PLA2G4D: variants seen among roughly 807,000 people sequenced by gnomAD.
PLA2G4D encodes cytosolic phospholipase A2 delta.
In PLA2G4D, 80 loss-of-function variants were observed where a neutral mutation model predicts 94.4. The observed-to-expected ratio is 0.85, with a 90% confidence interval of 0.71 to 1.02. The LOEUF is 1.02. PLA2G4D is among the 50% of genes least tolerant of loss of function. The pLI, the probability that PLA2G4D is intolerant of heterozygous loss-of-function variation, is 0.00. For synonymous variants in PLA2G4D, 438 were observed against 440.9 expected (o/e 0.99, Z 0.08); for missense variants, 1,050 against 1,034.7 (o/e 1.01, Z -0.20).
chr15:42,081,899 TG>T, intron 9 of PLA2G4D, 65 bp from the exon 10 acceptor site: 1 of 1,440,066 alleles, frequency 6.9e-7, no homozygotes, highest in Non-Finnish European at 9.6e-7. Flanking sequence ...TGGGTATCCC[TG>T]GGGACTTGGT....
chr15:42,074,860 T>A (rs1368899992), intron 13 of PLA2G4D, among the ~76,000 whole-genome samples: 1 of 152,220 alleles, frequency 6.6e-6, no homozygotes, highest in East Asian at 1.9e-4. Context: ...AGGTAAGGTA[T>A]GATAATCAGA....
At chr15:42,080,918 C>A (rs72727758) in intron 12 of PLA2G4D, 79 bp downstream of exon 12, 2 of 1,518,558 alleles carry the variant, frequency 1.3e-6, no homozygotes, top group African/African-American at 1.4e-5. Flanking sequence ...CCTCCCCACA[C>A]AAAGTGTCCC....
At chr15:42,081,994 C>T (rs1041821977) in intron 9 of PLA2G4D, among the ~76,000 whole-genome samples, 160 bp from the exon 10 acceptor site, 45 of 139,898 alleles carry the variant, frequency 3.2e-4, no homozygotes, top group African/African-American at 1.0e-3. Flanking sequence ...TGCAATGGTG[C>T]GATCTTGGCT....
At chr15:42,071,414 C>A (rs781293346) in intron 16 of PLA2G4D, 30 bp downstream of exon 16, 1 of 1,593,498 alleles carries the variant, frequency 6.3e-7, no homozygotes, top group Non-Finnish European at 8.6e-7. Context: ...AGCGTCATCC[C>A]AGGCCCCTCA....
chr15:42,075,901 G>A (rs1302607883), intron 13 of PLA2G4D, among the ~76,000 whole-genome samples: 1 of 141,874 alleles, frequency 7.0e-6, no homozygotes, highest in Non-Finnish European at 1.6e-5. Context: ...AAGGGAGGGA[G>A]GGAGGGAGAG....
chr15:42,078,934 T>A (rs115020598), intron 13 of PLA2G4D, among the ~76,000 whole-genome samples: 2,328 of 152,346 alleles, frequency 0.015, 60 homozygotes, highest in African/African-American at 0.054. Context: ...GTAATTTTTT[T>A]AAAAAATGTA....
In PLA2G4D at chr15:42,083,422, A is replaced by G. The variant is rs532130053; in HGVS notation, c.536-88T>C. 2.6e-6 allele frequency: 4 copies of G among 1,518,654 alleles called. No homozygotes were observed. In the African/African-American group the frequency reaches 5.5e-5, roughly 21 times the overall value. The allele number at this position is 1,518,654 out of a possible 1,614,324, so 94.1% of individuals were successfully genotyped here. A position where few individuals can be genotyped will look rare whatever the true frequency, so the allele number is the denominator to read the frequency against. ...GACAGCAGCACCACCACCTGGATTC[A>G]GAGGATGCCTGGGAGGCTGGGCCAT... On this transcript the variant is annotated intron_variant, in intron 7 of 19. Transcript: ENST00000290472.
At chr15:42,083,081 G>T in intron 8 of PLA2G4D, 117 bp downstream of exon 8, 2 of 1,379,664 alleles carry the variant, frequency 1.4e-6, no homozygotes, top group Non-Finnish European at 1.9e-6. Context: ...AACTAGGGGA[G>T]GCTGACAAGG....
At chr15:42,075,656 G>A (rs2141095301) in intron 13 of PLA2G4D, among the ~76,000 whole-genome samples, 1 of 152,224 alleles carries the variant, frequency 6.6e-6, no homozygotes, top group South Asian at 2.1e-4. Context: ...GGAGGCTGAG[G>A]CAGGCAGATC....
chr15:42,089,080 T>C (rs576338978), intron 1 of PLA2G4D, among the ~76,000 whole-genome samples: 4 of 152,350 alleles, frequency 2.6e-5, no homozygotes, highest in African/African-American at 9.6e-5. Flanking sequence ...CTATGTCCCT[T>C]CACCCGCTCC....
At chr15:42,076,415 C>A (rs1889928125) in intron 13 of PLA2G4D, among the ~76,000 whole-genome samples, 1 of 151,902 alleles carries the variant, frequency 6.6e-6, no homozygotes, top group South Asian at 2.1e-4. Flanking sequence ...CTCCCCAAAA[C>A]ACAAACCATA....
chr15:42,088,252 A>C (rs1345795308), intron 1 of PLA2G4D, among the ~76,000 whole-genome samples: 1 of 152,240 alleles, frequency 6.6e-6, no homozygotes, highest in Non-Finnish European at 1.5e-5. Context: ...AGGAAACTCC[A>C]AGAGCATCCA....
chr15:42,087,414 C>T lies in PLA2G4D; in HGVS notation c.141G>A (p.Val47=). The T allele has an allele frequency of 6.2e-7, 1 of 1,614,128 alleles. No individual in the cohort carries two copies. The highest frequency in any genetic ancestry group is 8.5e-7 in the Non-Finnish European group (1 of 1,179,998). Residue 47 remains valine (V), a synonymous_variant, in exon 3 of 20, where the codon GTG becomes GTA. Transcript: ENST00000290472. ...ADLLSEADPY[V]ILQLSTAPGM... ...CAGGTGCGGTCGACAGCTGTAGGAT[C>T]ACGTAAGGGTCGGCCTCACTCACTG...
intron 17 of PLA2G4D, 36 bp downstream of exon 17, chr15:42,071,087 C>G: frequency 6.3e-7 from 1 of 1,592,298 alleles, no homozygotes; most frequent in African/African-American, 1.4e-5. Flanking sequence ...AGAGGCCCAA[C>G]CTTGTGACCT....
Position 42,087,350 on chromosome 15 carries a change from G to T in PLA2G4D, c.205C>A (p.His69Asn), listed in dbSNP as rs773716289. 1.3e-5 allele frequency: 21 copies of T among 1,614,088 alleles called. No individual in the cohort carries two copies. Among genetic ancestry groups the T allele is most frequent in the Non-Finnish European group, 1.5e-5 (18 of 1,180,038 alleles). The change falls in exon 3 of 20, where the codon CAT becomes AAT. Residue 69 changes from histidine to asparagine, a missense_variant. Coordinates refer to ENST00000290472, the MANE Select transcript of PLA2G4D (RefSeq NM_178034.4). ...FKTKTLTDTS[H>N]PVWNEAFRFL... is the part of the protein sequence containing the mutation. ...CGGAAGGCCTCATTCCACACAGGAT[G>T]ACTGGTGTCGGTGAGCGTCTTGGTC...
chr15:42,080,308 C>T (rs1213623363), intron 12 of PLA2G4D, among the ~76,000 whole-genome samples: 3 of 152,184 alleles, frequency 2.0e-5, no homozygotes, highest in Non-Finnish European at 4.4e-5. Context: ...GTCACCTAAA[C>T]TCCTCTGAGG....
chr15:42,077,635 C>A (rs770176104), intron 13 of PLA2G4D, among the ~76,000 whole-genome samples: 2 of 152,210 alleles, frequency 1.3e-5, no homozygotes, highest in African/African-American at 2.4e-5. Context: ...TACAATAGTT[C>A]CAGGTAAAGA....
chr15:42,079,669 G>C lies in PLA2G4D; in HGVS notation c.1185C>G (p.Ser395Arg). The C allele has an allele frequency of 6.2e-7, 1 of 1,613,002 alleles. No homozygotes were observed. Among genetic ancestry groups the C allele is most frequent in the Non-Finnish European group, 8.5e-7 (1 of 1,179,536 alleles). The change falls in exon 13 of 20, where the codon AGC (serine) becomes AGG (arginine). Residue 395 changes from serine (S) to arginine (R), a missense_variant. Transcript: ENST00000290472. ...IRYAREHLAK[S>R]KLEVFSPERL... ...GCTCTGGGGAAAAGACCTCCAGCTT[G>C]CTCTTGGCCAGGTGCTCCCGGGCGT...
At chr15:42,083,687 G>C in intron 7 of PLA2G4D, 29 bp downstream of exon 7, 1 of 1,613,144 alleles carries the variant, frequency 6.2e-7, no homozygotes, top group Non-Finnish European at 8.5e-7. Flanking sequence ...TCCAGGCAGA[G>C]TCCAGGCCTG....
Sources: allele counts gnomAD v4.1 joint callset (sites outside exome capture counted in the v4.1 genomes callset), GRCh38; gene constraint gnomAD v4.1.1; transcripts MANE v1.5; gene names NCBI Gene and HGNC (gene_info 2026-07-23, HGNC 2026-07-21).